TENM2: variants seen among roughly 807,000 people sequenced by gnomAD.
TENM2 encodes the protein teneurin-2.
TENM2 carries 52 observed loss-of-function variants against 245.2 expected under a neutral mutation model. The observed-to-expected ratio is 0.21, with a 90% confidence interval of 0.17 to 0.27. The LOEUF (loss-of-function observed/expected upper bound fraction) is 0.27. TENM2 is among the 10% of genes least tolerant of loss of function. The pLI is 1.00. For synonymous variants in TENM2, 1,363 were observed against 1,438.9 expected (o/e 0.95, Z 1.19); for missense variants, 3,046 against 3,666.8 (o/e 0.83, Z 4.37).
chr5:168,067,948 C>A (rs774537142), intron 7 of TENM2, among the ~76,000 whole-genome samples: 2 of 152,164 alleles, frequency 1.3e-5, no homozygotes, highest in Non-Finnish European at 2.9e-5. Flanking sequence ...TTTTTCAGAA[C>A]CTTCCTTTCC....
intron 2 of TENM2, among the ~76,000 whole-genome samples, chr5:167,750,335 A>G (rs1582909073): frequency 6.6e-6 from 1 of 152,256 alleles, no homozygotes; most frequent in Admixed American, 6.5e-5. Context: ...TTGACAGGGT[A>G]GGGAGTCTGA....
chr5:167,678,373 T>G (rs1266500784), intron 2 of TENM2, among the ~76,000 whole-genome samples: 3 of 152,098 alleles, frequency 2.0e-5, no homozygotes, highest in African/African-American at 7.2e-5. Context: ...AAAGGATTCT[T>G]ATATACTCAA....
chr5:167,824,380 C>T (rs1029556126), intron 2 of TENM2, among the ~76,000 whole-genome samples: 2 of 152,082 alleles, frequency 1.3e-5, no homozygotes, highest in African/African-American at 4.8e-5. Flanking sequence ...GAGAGGAAAG[C>T]CTTGTATGGC....
At chr5:167,923,942 A>C in intron 3 of TENM2, among the ~76,000 whole-genome samples, 1 of 152,328 alleles carries the variant, frequency 6.6e-6, no homozygotes, top group East Asian at 1.9e-4. Flanking sequence ...ACATGCCAGA[A>C]TAAGGCATAC....
At chr5:167,192,705 C>T in the TENM2 span, among the ~76,000 whole-genome samples, 12,688 of 152,032 alleles carry the variant, frequency 0.083, 1,783 homozygotes, top group African/African-American at 0.29. Context: ...CCCAATTCTC[C>T]TCTGTTGATT....
At position 168,062,056 on chromosome 5, in the gene TENM2, T is replaced by TTTTTTC. The variant is rs1581193466; in HGVS notation, c.1310-4_1310-3insTTTTTC. On this transcript the variant is annotated splice_polypyrimidine_tract_variant and splice_region_variant and intron_variant, in intron 6 of 28. Coordinates refer to ENST00000518659, the Ensembl canonical transcript of TENM2. ...CTGCTGTTTATTCCTTTTTTTTTTT[T>TTTTTTC]CAGTGCCCTGGTCGTTGAAAAACAG... is the stretch of plus-strand genomic sequence containing the variant. 1.2e-6 allele frequency: 2 copies of TTTTTTC among 1,601,382 alleles called. No individual in the cohort carries two copies. The highest frequency in any genetic ancestry group is 1.7e-5 in the Admixed American group (1 of 58,182).
intron 4 of TENM2, among the ~76,000 whole-genome samples, chr5:167,974,021 G>A (rs561989225): frequency 0.03 from 1,932 of 64,184 alleles, 224 homozygotes; most frequent in Non-Finnish European, 0.033. Flanking sequence ...GGGAGGGAGG[G>A]AGGAAGGAAG....
At chr5:167,357,045 G>A (rs1759383035) in intron 1 of TENM2, among the ~76,000 whole-genome samples, 1 of 152,126 alleles carries the variant, frequency 6.6e-6, no homozygotes, top group African/African-American at 2.4e-5. Context: ...TTGGCTCTGG[G>A]AGGAAAGCTT....
intron 2 of TENM2, among the ~76,000 whole-genome samples, chr5:167,781,478 T>A (rs1764182831): frequency 6.6e-6 from 1 of 152,206 alleles, no homozygotes; most frequent in South Asian, 2.1e-4. Flanking sequence ...AAGCTTATGA[T>A]CCCTGGGATT....
chr5:168,168,936 C>A (rs1366008255), intron 13 of TENM2, among the ~76,000 whole-genome samples: 1 of 151,934 alleles, frequency 6.6e-6, no homozygotes, highest in Non-Finnish European at 1.5e-5. Flanking sequence ...AATGTTAGAC[C>A]CTGAAAATAA....
chr5:167,869,211 A>C (rs1241901930), intron 2 of TENM2, among the ~76,000 whole-genome samples: 1 of 152,228 alleles, frequency 6.6e-6, no homozygotes, highest in Non-Finnish European at 1.5e-5. Flanking sequence ...TGAAGGAAGA[A>C]ATAAACATTT....
At chr5:167,978,646 C>G (rs149083393) in intron 4 of TENM2, among the ~76,000 whole-genome samples, 2 of 149,812 alleles carry the variant, frequency 1.3e-5, no homozygotes, top group African/African-American at 4.9e-5. Flanking sequence ...TGGCGAGTTA[C>G]TGTTTAATAG....
chr5:167,010,152 C>T, the TENM2 span, among the ~76,000 whole-genome samples: 6 of 152,052 alleles, frequency 3.9e-5, no homozygotes, highest in Non-Finnish European at 7.4e-5. Flanking sequence ...GAGGCCAAGG[C>T]GGGTGGATCA....
intron 2 of TENM2, among the ~76,000 whole-genome samples, chr5:167,807,849 C>G (rs1177358994): frequency 6.6e-6 from 1 of 152,084 alleles, no homozygotes; most frequent in African/African-American, 2.4e-5. Context: ...CTTTTAAAAT[C>G]CTGATGCCCA....
At chr5:167,974,026 A>AGGAAGGAAG (rs1554163745) in intron 4 of TENM2, among the ~76,000 whole-genome samples, 2 of 37,216 alleles carry the variant, frequency 5.4e-5, no homozygotes, top group Non-Finnish European at 8.6e-5. Flanking sequence ...GGAGGGAGGA[A>AGGAAGGAAG]GGAAGGAAGG....
intron 2 of TENM2, among the ~76,000 whole-genome samples, chr5:167,844,828 TA>T (rs1219768937): frequency 2.8e-5 from 4 of 142,494 alleles, no homozygotes; most frequent in Non-Finnish European, 4.6e-5. Context: ...AATTTTATTT[TA>T]GGAGTTTGGT....
chr5:167,832,755 T>C (rs533545659), intron 2 of TENM2, among the ~76,000 whole-genome samples: 5 of 152,202 alleles, frequency 3.3e-5, no homozygotes, highest in Admixed American at 1.3e-4. Flanking sequence ...GAGAGAAATA[T>C]TGATAATTTG....
chr5:167,837,764 A>C (rs953927522), intron 2 of TENM2, among the ~76,000 whole-genome samples: 1 of 151,694 alleles, frequency 6.6e-6, no homozygotes, highest in Non-Finnish European at 1.5e-5. Context: ...ATAGACTCCA[A>C]CCACACAACT....
chr5:167,138,532 T>C, the TENM2 span, among the ~76,000 whole-genome samples: 2 of 151,886 alleles, frequency 1.3e-5, no homozygotes, highest in Middle Eastern at 3.4e-3. Context: ...TCTTGGCCAA[T>C]GCATTGAACT....
Sources: gnomAD v4.1 joint callset for allele counts (sites outside exome capture counted in the v4.1 genomes callset) on GRCh38, gnomAD v4.1.1 for gene constraint, MANE v1.5 for transcripts, NCBI Gene and HGNC (gene_info 2026-07-23, HGNC 2026-07-21) for gene names.